The following NRG3 variants were observed in gnomAD, a reference collection of about 807,000 sequenced individuals.
NRG3 encodes neuregulin 3, also known as pro-neuregulin-3, membrane-bound isoform.
NRG3 carries 31 observed loss-of-function variants against 66.9 expected under a neutral mutation model. The observed-to-expected ratio is 0.46, with a 90% CI of 0.35 to 0.63. NRG3 has a LOEUF of 0.63. Among genes scored for constraint, NRG3 ranks in the 20% least tolerant of loss-of-function variants. NRG3 has a pLI of 0.00. For missense variants in NRG3, 910 were observed against 878.9 expected (o/e 1.04, Z -0.45); for synonymous variants, 393 against 359.4 (o/e 1.09, Z -1.06).
chr10:82,385,443 C>A (rs1158603817), intron 2 of NRG3, among the ~76,000 whole-genome samples: 1 of 152,078 alleles, frequency 6.6e-6, no homozygotes, highest in Non-Finnish European at 1.5e-5. Context: ...ACTTCTTGAG[C>A]AAATATTGTG....
At chr10:82,101,351 T>C (rs1019469959) in intron 1 of NRG3, among the ~76,000 whole-genome samples, 1 of 151,870 alleles carries the variant, frequency 6.6e-6, no homozygotes, top group Non-Finnish European at 1.5e-5. Flanking sequence ...ACCATTGATA[T>C]GTTTATTATG....
intron 2 of NRG3, among the ~76,000 whole-genome samples, chr10:82,371,820 T>G (rs1389516278): frequency 6.6e-6 from 1 of 152,064 alleles, no homozygotes; most frequent in Non-Finnish European, 1.5e-5. Flanking sequence ...AGTGGTGAGG[T>G]GCCAGGCTTT....
chr10:82,937,369 TAGAC>T (rs1197899474), intron 4 of NRG3, among the ~76,000 whole-genome samples: 3 of 152,140 alleles, frequency 2.0e-5, no homozygotes, highest in Non-Finnish European at 2.9e-5. Flanking sequence ...AACTGAGTCA[TAGAC>T]AGGTTAAATA....
chr10:82,856,868 G>A (rs551005737), intron 3 of NRG3, among the ~76,000 whole-genome samples: 1 of 152,052 alleles, frequency 6.6e-6, no homozygotes, highest in East Asian at 1.9e-4. Flanking sequence ...AGACACATGT[G>A]AATCTCAAGA....
intron 2 of NRG3, among the ~76,000 whole-genome samples, chr10:82,474,499 C>T (rs1215503326): frequency 9.2e-5 from 14 of 152,052 alleles, no homozygotes; most frequent in African/African-American, 2.4e-5. Context: ...GGTTCAACAG[C>T]AGATTTGAAG....
At chr10:82,773,578 T>A (rs2135197086) in intron 3 of NRG3, among the ~76,000 whole-genome samples, 1 of 152,294 alleles carries the variant, frequency 6.6e-6, no homozygotes, top group East Asian at 1.9e-4. Flanking sequence ...GTGTAGAAGA[T>A]TTTTAGTTTA....
At chr10:81,910,746 C>T (rs1383606304) in intron 1 of NRG3, among the ~76,000 whole-genome samples, 1 of 152,110 alleles carries the variant, frequency 6.6e-6, no homozygotes, top group African/African-American at 2.4e-5. Flanking sequence ...CTCCTGGGCT[C>T]AAGTGACCCT....
chr10:81,993,818 G>A (rs923781642), intron 1 of NRG3, among the ~76,000 whole-genome samples: 5 of 152,072 alleles, frequency 3.3e-5, no homozygotes, highest in Admixed American at 1.3e-4. Context: ...TATGTTTCTC[G>A]TGAATCACAT....
chr10:82,672,673 C>G (rs2053373824), intron 2 of NRG3, among the ~76,000 whole-genome samples: 2 of 152,320 alleles, frequency 1.3e-5, no homozygotes, highest in Non-Finnish European at 2.9e-5. Flanking sequence ...CAAATCAAAA[C>G]AAAACAATTC....
At chr10:82,075,052 GAATTT>G (rs1362427624) in intron 1 of NRG3, among the ~76,000 whole-genome samples, 1 of 152,156 alleles carries the variant, frequency 6.6e-6, no homozygotes, top group Non-Finnish European at 1.5e-5. Flanking sequence ...ATCGATGAAT[GAATTT>G]AAGTGTCACT....
chr10:81,968,121 G>C (rs1028569699), intron 1 of NRG3, among the ~76,000 whole-genome samples: 14 of 152,180 alleles, frequency 9.2e-5, no homozygotes, highest in Non-Finnish European at 2.1e-4. Flanking sequence ...CCCCTGCTCT[G>C]TGCCCTGCAT....
Position 81,920,289 on chromosome 10 carries a change from T to C in NRG3, c.823+44126T>C, listed in dbSNP as rs181754923. 1.2e-3 allele frequency among the ~76,000 whole-genome samples: 177 copies of C among 152,250 alleles called. 1 individual carries two copies. Among genetic ancestry groups the C allele is most frequent in the Middle Eastern group, 0.01 (3 of 294 alleles). ...TCTTAAAGTCAATGCTCCTCACCCT[T>C]AGCACCCTGCAACCAAAAAGAAAAT... is the stretch of plus-strand genomic sequence containing the variant. On this transcript the variant is annotated intron_variant, in intron 1 of 8. Coordinates refer to ENST00000372141, the MANE Select transcript of NRG3 (RefSeq NM_001010848.4).
At chr10:82,601,622 G>A (rs180925005) in intron 2 of NRG3, among the ~76,000 whole-genome samples, 78 of 150,536 alleles carry the variant, frequency 5.2e-4, no homozygotes, top group East Asian at 4.7e-3. Flanking sequence ...ACATTTGGAT[G>A]TATCTGTTGG....
At chr10:82,375,469 G>A (rs1445898146) in intron 2 of NRG3, among the ~76,000 whole-genome samples, 1 of 151,378 alleles carries the variant, frequency 6.6e-6, no homozygotes, top group African/African-American at 2.4e-5. Flanking sequence ...CCTGGGAGGC[G>A]GAGCTTGCAG....
intron 4 of NRG3, among the ~76,000 whole-genome samples, chr10:82,890,157 G>A (rs1463961502): frequency 6.8e-6 from 1 of 147,274 alleles, no homozygotes; most frequent in Non-Finnish European, 1.5e-5. Context: ...AGTAATGTAA[G>A]TGGCTTTATC....
rs535819650 is a variant in NRG3 at position 82,092,484 on chromosome 10, G to A, written c.823+216321G>A. Among the ~76,000 whole-genome samples, 36 of 150,122 alleles carry A rather than the reference G, an allele frequency of 2.4e-4. No individual in the cohort carries two copies. The South Asian group carries it at 7.5e-3, about 31-fold the overall frequency. On this transcript the variant is annotated intron_variant, in intron 1 of 8. Coordinates refer to ENST00000372141, the MANE Select transcript of NRG3 (RefSeq NM_001010848.4). ...TGATACCCACCCACCCCCTACCCAA[G>A]ATTCCCAATCTTCAGTCATCTGTCA...
intron 1 of NRG3, among the ~76,000 whole-genome samples, chr10:81,977,652 T>C (rs1316355611): frequency 6.6e-6 from 1 of 152,348 alleles, no homozygotes; most frequent in Non-Finnish European, 1.5e-5. Flanking sequence ...AACCACATTA[T>C]GGTACCATAT....
chr10:81,990,363 A>G (rs1215569483), intron 1 of NRG3, among the ~76,000 whole-genome samples: 2 of 152,172 alleles, frequency 1.3e-5, no homozygotes, highest in South Asian at 2.1e-4. Flanking sequence ...ATTTTCTCCA[A>G]GGGAATATTT....
chr10:82,559,750 G>A (rs978515593), intron 2 of NRG3, among the ~76,000 whole-genome samples: 1 of 152,056 alleles, frequency 6.6e-6, no homozygotes, highest in African/African-American at 2.4e-5. Context: ...TATTGCTCTT[G>A]TCACTAAACA....
Sources: gnomAD v4.1 joint callset for allele counts (sites outside exome capture counted in the v4.1 genomes callset) on GRCh38, gnomAD v4.1.1 for gene constraint, MANE v1.5 for transcripts, NCBI Gene and HGNC (gene_info 2026-07-23, HGNC 2026-07-21) for gene names.